The following TMEM120B variants were observed in gnomAD, a reference collection of about 807,000 sequenced individuals.
TMEM120B encodes transmembrane protein 120B.
A neutral mutation model predicts 55.5 loss-of-function variants in TMEM120B; 31 were observed. The ratio of observed to expected loss-of-function variants is 0.56; its 90% CI spans 0.42 to 0.75. The LOEUF (loss-of-function observed/expected upper bound fraction) is 0.75. Ranked by LOEUF, TMEM120B falls within the 30% of genes least tolerant of loss-of-function variation. TMEM120B has a pLI of 0.00. For missense variants in TMEM120B, 399 were observed against 425.5 expected, an observed-to-expected ratio of 0.94 and a Z score of 0.55; for synonymous variants, 203 against 176.3, an observed-to-expected ratio of 1.15 and a Z score of -1.20.
chr12:121,741,731 C>G (rs746962432), intron 1 of TMEM120B, among the ~76,000 whole-genome samples: 4 of 152,150 alleles, frequency 2.6e-5, no homozygotes, highest in Non-Finnish European at 1.5e-5. Context: ...CTCCTGGGTT[C>G]AAGCAATTCT....
intron 1 of TMEM120B, among the ~76,000 whole-genome samples, chr12:121,721,131 A>G (rs2720027): frequency 0.2 from 30,370 of 152,130 alleles, 3,220 homozygotes; most frequent in East Asian, 0.37. Context: ...CAAGTAGGGA[A>G]GATGCTCTGG....
chr12:121,719,302 A>G lies in TMEM120B; in HGVS notation c.69+6338A>G, dbSNP rs368678367. On this transcript the variant is annotated intron_variant, in intron 1 of 11. Transcript: ENST00000449592. Reference sequence around the variant, plus strand: ...GGCACCTTTTGGGGGGCTAATAGAAATTGTTGGCTGGGTGTAGTGGCCTAT... The same window carrying G: ...GGCACCTTTTGGGGGGCTAATAGAAGTTGTTGGCTGGGTGTAGTGGCCTAT... Among the ~76,000 whole-genome samples the G allele has an allele frequency of 7.9e-5, 12 of 152,010 alleles. No homozygotes were observed. The East Asian group carries it at 1.2e-3, about 15-fold the overall frequency.
chr12:121,713,856 C>T (rs1894645919), intron 1 of TMEM120B, among the ~76,000 whole-genome samples: 1 of 152,190 alleles, frequency 6.6e-6, no homozygotes, highest in South Asian at 2.1e-4. Context: ...GATTGTTTTT[C>T]GGGGGGTTGG....
At chr12:121,741,730 T>G (rs1179813636) in intron 1 of TMEM120B, among the ~76,000 whole-genome samples, 1 of 152,118 alleles carries the variant, frequency 6.6e-6, no homozygotes, top group East Asian at 1.9e-4. Context: ...CCTCCTGGGT[T>G]CAAGCAATTC....
chr12:121,775,581 C>A lies in TMEM120B; in HGVS notation c.907-28C>A. 6.2e-7 allele frequency: 1 copy of A among 1,601,122 alleles called. No homozygotes were observed. Among genetic ancestry groups the A allele is most frequent in the African/African-American group, 1.3e-5 (1 of 74,826 alleles). On this transcript the variant is annotated intron_variant, in intron 11 of 11. Coordinates refer to ENST00000449592, the MANE Select transcript of TMEM120B (RefSeq NM_001080825.2). The surrounding 1 kb of genome is among the most constrained non-coding windows in gnomAD (Gnocchi z 4.3). ...GGGTTCAGCAGGGCAGATGCCCCAG[C>A]CTCGCCCTCCTCTCTGGACTCCCCC...
intron 5 of TMEM120B, 63 bp downstream of exon 5, chr12:121,752,286 A>G: frequency 1.4e-6 from 2 of 1,429,956 alleles, no homozygotes; most frequent in South Asian, 2.3e-5. Flanking sequence ...GGGCCGGGAG[A>G]GAGGGATCCA....
rs149522095 is a variant in TMEM120B at position 121,766,567 on chromosome 12, A to G, written c.552-4340A>G. ...GTTGGAATCTTGACACAGACTTCTGATTGGCCAGGCTTGGGTGACCTACTG... is the reference window on the plus strand; with the variant it reads ...GTTGGAATCTTGACACAGACTTCTGGTTGGCCAGGCTTGGGTGACCTACTG... On this transcript the variant is annotated intron_variant, in intron 6 of 11. Coordinates refer to ENST00000449592, the MANE Select transcript of TMEM120B (RefSeq NM_001080825.2). Among the ~76,000 whole-genome samples the G allele has an allele frequency of 1.3e-3, 196 of 152,198 alleles. 1 individual carries two copies. Among genetic ancestry groups the G allele is most frequent in the African/African-American group, 4.2e-3 (174 of 41,526 alleles).
At chr12:121,759,541 G>C (rs375309802) in intron 5 of TMEM120B, among the ~76,000 whole-genome samples, 112 of 151,676 alleles carry the variant, frequency 7.4e-4, no homozygotes, top group African/African-American at 2.6e-3. Context: ...AGCTGGGTGT[G>C]GTGGCAGGCG....
chr12:121,767,888 G>T (rs777777503), intron 6 of TMEM120B, among the ~76,000 whole-genome samples: 12 of 152,220 alleles, frequency 7.9e-5, no homozygotes, highest in Non-Finnish European at 1.8e-4. Context: ...GTCTGTGTCT[G>T]CCTCAGGCTG....
chr12:121,726,907 C>CAAAAAAAAAAAAAA (rs71305665), intron 1 of TMEM120B, among the ~76,000 whole-genome samples: 1 of 73,716 alleles, frequency 1.4e-5, no homozygotes, highest in Non-Finnish European at 2.8e-5. Flanking sequence ...GACTCTGTCT[C>CAAAAAAAAAAAAAA]AAAAAAAAAA....
Position 121,775,130 on chromosome 12 carries a change from G to T in TMEM120B, c.906G>T (p.Gln302His). ...GCCACGAGGAATGCAGAGAATGGCA[G>T]GTATGGGGGGTGGGGGCATGCTCGG... ...LSSHEECREW[Q>H]VFVLAFTFLI... Residue 302 changes from glutamine (Q) to histidine (H), a missense_variant and splice_region_variant, in exon 11 of 12, where the codon CAG becomes CAT. This residue lies in a region of TMEM120B where 260 missense variants were observed against 303.9 expected (regional missense o/e 0.86). Coordinates refer to ENST00000449592, the MANE Select transcript of TMEM120B (RefSeq NM_001080825.2). The surrounding 1 kb of genome is among the most constrained non-coding windows in gnomAD (Gnocchi z 4.3). 6.2e-7 allele frequency: 1 copy of T among 1,610,112 alleles called. No homozygotes were observed. The highest frequency in any genetic ancestry group is 1.8e-4 in the Middle Eastern group (1 of 5,420).
At chr12:121,733,277 C>T (rs1376349406) in intron 1 of TMEM120B, among the ~76,000 whole-genome samples, 2 of 152,086 alleles carry the variant, frequency 1.3e-5, no homozygotes, top group African/African-American at 2.4e-5. Context: ...GAGAGTCTCG[C>T]TCTGTTGCCC....
chr12:121,751,772 C>T (rs1873338529), intron 4 of TMEM120B, among the ~76,000 whole-genome samples: 1 of 151,838 alleles, frequency 6.6e-6, no homozygotes, highest in Non-Finnish European at 1.5e-5. Flanking sequence ...GGGAGATGGG[C>T]AGTCCAGTCT....
intron 6 of TMEM120B, among the ~76,000 whole-genome samples, chr12:121,768,073 CA>C (rs1873905634): frequency 6.6e-6 from 1 of 152,184 alleles, no homozygotes; most frequent in Non-Finnish European, 1.5e-5. Flanking sequence ...CCTTTGCTGT[CA>C]GAAATTTGGA....
chr12:121,731,435 A>G (rs1895001071), intron 1 of TMEM120B, among the ~76,000 whole-genome samples: 1 of 152,044 alleles, frequency 6.6e-6, no homozygotes, highest in Non-Finnish European at 1.5e-5. Flanking sequence ...TAGTATTTTT[A>G]GCAGAGAAGG....
rs1566530501 is a variant in TMEM120B at position 121,779,525 on chromosome 12, C to T, written c.*3803C>T. ...AGAGCAGCAGGCAGAGCCGGCGCTT[C>T]TTCTGCCGTTGCGCCTTCTTCAGAG... On this transcript the variant is annotated 3_prime_UTR_variant, in exon 12 of 12. Coordinates refer to ENST00000449592, the MANE Select transcript of TMEM120B (RefSeq NM_001080825.2). The T allele has an allele frequency of 6.2e-7, 1 of 1,613,264 alleles. No individual in the cohort carries two copies. The highest frequency in any genetic ancestry group is 8.5e-7 in the Non-Finnish European group (1 of 1,180,028).
chr12:121,716,198 C>T (rs571195967), intron 1 of TMEM120B, among the ~76,000 whole-genome samples: 1 of 150,978 alleles, frequency 6.6e-6, no homozygotes, highest in African/African-American at 2.4e-5. Context: ...GTCCCAGCTA[C>T]TAGGGAGGCT....
At chr12:121,750,588 CCAA>C in intron 4 of TMEM120B, 149 bp downstream of exon 4, 1 of 612,204 alleles carries the variant, frequency 1.6e-6, no homozygotes, top group Non-Finnish European at 2.9e-6. Flanking sequence ...ACACTCCACA[CCAA>C]CACCCCACCC....
rs371439680 is a variant in TMEM120B at position 121,780,699 on chromosome 12, C to T, written c.*4977C>T. 6.6e-5 allele frequency: 47 copies of T among 710,790 alleles called. No individual in the cohort carries two copies. The highest frequency in any genetic ancestry group is 3.2e-4 in the South Asian group (17 of 52,564). The allele number at this position is 710,790 out of a possible 1,614,324, so 44.0% of individuals were successfully genotyped here. On this transcript the variant is annotated 3_prime_UTR_variant, in exon 12 of 12. Transcript: ENST00000449592. ...CCGAGTCCTAAGGATTGGGAGTAGT[C>T]GTGTAAAGTGCTCAGGTCCACAGGC...
Sources: gnomAD v4.1 joint callset for allele counts (sites outside exome capture counted in the v4.1 genomes callset) on GRCh38, gnomAD v4.1.1 for gene constraint, gnomAD v4.1.1 regional missense constraint, Gnocchi (gnomAD v3.1) non-coding constraint, MANE v1.5 for transcripts, NCBI Gene and HGNC (gene_info 2026-07-23, HGNC 2026-07-21) for gene names.